AAMDC: variants seen among roughly 807,000 people sequenced by gnomAD.
The protein encoded by AAMDC is mth938 domain-containing protein.
In AAMDC, 16 loss-of-function variants were observed where a neutral mutation model predicts 15.5. That is an observed-to-expected ratio of 1.03 (90% CI 0.70 to 1.57). AAMDC has a LOEUF of 1.57. AAMDC is among the 40% of genes most tolerant of loss of function. AAMDC has a pLI of 0.00. For missense variants in AAMDC, 141 were observed against 144.9 expected (o/e 0.97, Z 0.14); for synonymous variants, 51 against 51.6 (o/e 0.99, Z 0.05).
chr11:77,867,137 G>A (rs910440413), intron 2 of AAMDC, among the ~76,000 whole-genome samples: 1 of 152,108 alleles, frequency 6.6e-6, no homozygotes, highest in Non-Finnish European at 1.5e-5. Context: ...CACTGTGCCC[G>A]GCCCCCATGC....
At chr11:77,853,894 T>C (rs1424150843) in intron 2 of AAMDC, among the ~76,000 whole-genome samples, 1 of 151,732 alleles carries the variant, frequency 6.6e-6, no homozygotes, top group African/African-American at 2.4e-5. Flanking sequence ...TGAGCTGAGA[T>C]TGCACCACTG....
chr11:77,836,031 T>A (rs1341922227), intron 1 of AAMDC, among the ~76,000 whole-genome samples: 1 of 152,196 alleles, frequency 6.6e-6, no homozygotes, highest in Non-Finnish European at 1.5e-5. Flanking sequence ...ACTTATTAGC[T>A]ATATAACTTG....
chr11:77,863,399 C>T (rs542902315), intron 2 of AAMDC, among the ~76,000 whole-genome samples: 9 of 152,248 alleles, frequency 5.9e-5, no homozygotes, highest in South Asian at 2.1e-4. Flanking sequence ...TAACAAAACA[C>T]GGACCAGAAG....
chr11:77,882,626 T>C (rs956299218), intron 5 of AAMDC, among the ~76,000 whole-genome samples: 1 of 152,182 alleles, frequency 6.6e-6, no homozygotes, highest in African/African-American at 2.4e-5. Context: ...GAATGAGGAA[T>C]ACTCAGGGAA....
chr11:77,852,429 T>C (rs1318271672), intron 2 of AAMDC, among the ~76,000 whole-genome samples: 5 of 152,040 alleles, frequency 3.3e-5, no homozygotes, highest in African/African-American at 1.2e-4. Flanking sequence ...ATTTACATGA[T>C]TCAGAATTCA....
At chr11:77,821,484 GA>G (rs1263104468) in intron 1 of AAMDC, among the ~76,000 whole-genome samples, 1 of 152,102 alleles carries the variant, frequency 6.6e-6, no homozygotes. Flanking sequence ...AGCTTTGCTG[GA>G]AAAGCAGGAT....
At chr11:77,903,870 T>C (rs561313936), downstream of AAMDC, among the ~76,000 whole-genome samples, 2 of 152,322 alleles carry the variant, frequency 1.3e-5, no homozygotes, top group African/African-American at 4.8e-5. Context: ...TCAGTGCTTC[T>C]GGAAGCAGAG....
chr11:77,869,219 T>A (rs1473469679), intron 2 of AAMDC: 2 of 199,976 alleles, frequency 1.0e-5, no homozygotes, highest in South Asian at 2.1e-4. Flanking sequence ...TGGAAGATGG[T>A]TGTTCCAGCC....
At chr11:77,890,932 C>A (rs1393246469) in intron 5 of AAMDC, among the ~76,000 whole-genome samples, 3 of 152,166 alleles carry the variant, frequency 2.0e-5, no homozygotes, top group Admixed American at 1.3e-4. Context: ...TATCTGCCAG[C>A]CGACTGACTC....
intron 5 of AAMDC, among the ~76,000 whole-genome samples, chr11:77,898,233 G>A (rs1396899842): frequency 2.0e-5 from 3 of 152,018 alleles, no homozygotes; most frequent in East Asian, 1.9e-4. Flanking sequence ...GTGCGATCTC[G>A]GCTCACTGCA....
rs1950229085 is a variant in AAMDC at position 77,848,359 on chromosome 11, CCT to C, written c.132+5733_132+5734del. Among the ~76,000 whole-genome samples the C allele has an allele frequency of 2.0e-5, 3 of 152,154 alleles. 1 individual carries two copies. In the South Asian group the frequency reaches 6.2e-4, roughly 32 times the overall value. ...CCATATGAGTTAATATTACCATTAA[CCT>C]CATTCTTTTTTTTTTGAGACGGAGT... is the stretch of plus-strand genomic sequence containing the variant. On this transcript the variant is annotated intron_variant, in intron 2 of 3. Transcript: ENST00000393427.
intron 5 of AAMDC, among the ~76,000 whole-genome samples, chr11:77,882,886 C>T (rs1343057227): frequency 6.6e-6 from 1 of 152,138 alleles, no homozygotes. Flanking sequence ...GCTTGGCCAA[C>T]ATGACGAAAC....
intron 3 of AAMDC, 54 bp downstream of exon 3, chr11:77,869,871 T>G: frequency 6.5e-7 from 1 of 1,544,338 alleles, no homozygotes; most frequent in Non-Finnish European, 8.9e-7. Context: ...CTCTTGGGCC[T>G]TTGTCTTACA....
chr11:77,897,496 A>G (rs1439634149), intron 5 of AAMDC, among the ~76,000 whole-genome samples: 2 of 150,376 alleles, frequency 1.3e-5, no homozygotes, highest in Non-Finnish European at 2.9e-5. Flanking sequence ...CCTCCAAGTT[A>G]TTATTATTAT....
intron 5 of AAMDC, chr11:77,891,939 G>A (rs1206238013): frequency 6.4e-7 from 1 of 1,568,600 alleles, no homozygotes; most frequent in Non-Finnish European, 8.6e-7. Context: ...TAGGAAGAAT[G>A]ATGAAGTGAG....
At chr11:77,869,684 A>C in intron 2 of AAMDC, 38 bp from the exon 3 acceptor site, 1 of 1,579,390 alleles carries the variant, frequency 6.3e-7, no homozygotes, top group Non-Finnish European at 8.7e-7. Context: ...TGAAAGATTG[A>C]GAGCAGGTAC....
intron 5 of AAMDC, among the ~76,000 whole-genome samples, chr11:77,883,379 C>T (rs1395744617): frequency 6.6e-6 from 1 of 152,012 alleles, no homozygotes; most frequent in Non-Finnish European, 1.5e-5. Context: ...ACAATTCAGA[C>T]ATAAGTTGGC....
At chr11:77,845,260 T>C (rs1950094840) in intron 2 of AAMDC, among the ~76,000 whole-genome samples, 1 of 152,130 alleles carries the variant, frequency 6.6e-6, no homozygotes, top group Non-Finnish European at 1.5e-5. Context: ...GTCCTACAGG[T>C]CTCTGAGTCT....
At chr11:77,821,674 G>A (rs892917348) in intron 1 of AAMDC, among the ~76,000 whole-genome samples, 7 of 152,014 alleles carry the variant, frequency 4.6e-5, no homozygotes, top group African/African-American at 1.7e-4. Flanking sequence ...AACATGACAG[G>A]AGACGGTGGA....
Sources: allele counts gnomAD v4.1 joint callset (sites outside exome capture counted in the v4.1 genomes callset), GRCh38; gene constraint gnomAD v4.1.1; transcripts MANE v1.5; gene names NCBI Gene and HGNC (gene_info 2026-07-23, HGNC 2026-07-21).